GABBR2: variants seen among roughly 807,000 people sequenced by gnomAD.
GABBR2 encodes the protein gamma-aminobutyric acid type B receptor subunit 2.
GABBR2 carries 23 observed loss-of-function variants against 105.6 expected under a neutral mutation model. The observed-to-expected ratio is 0.22, with a 90% CI of 0.16 to 0.31. GABBR2 has a LOEUF of 0.31. GABBR2 is among the 10% of genes least tolerant of loss of function. The pLI, the probability that GABBR2 is intolerant of heterozygous loss-of-function variation, is 1.00. For synonymous variants in GABBR2, 478 were observed against 499.7 expected (o/e 0.96, Z 0.58); for missense variants, 734 against 1,245.5 (o/e 0.59, Z 6.18).
intron 9 of GABBR2, among the ~76,000 whole-genome samples, chr9:98,389,894 T>C (rs1020565022): frequency 6.6e-6 from 1 of 152,042 alleles, no homozygotes. Flanking sequence ...AGTAGGGGTA[T>C]GTGGAATCAG....
intron 1 of GABBR2, among the ~76,000 whole-genome samples, chr9:98,701,659 G>A (rs67229546): frequency 0.19 from 28,604 of 152,024 alleles, 2,975 homozygotes; most frequent in South Asian, 0.28. Context: ...CTACCCTCAA[G>A]AGCTGCCAGC....
chr9:98,555,117 C>A (rs1828562489), intron 2 of GABBR2, among the ~76,000 whole-genome samples: 1 of 152,158 alleles, frequency 6.6e-6, no homozygotes, highest in African/African-American at 2.4e-5. Flanking sequence ...TACAGTAGAC[C>A]ACAATTTCTA....
At chr9:98,296,679 T>TAA (rs1830388116) in intron 17 of GABBR2, among the ~76,000 whole-genome samples, 1 of 152,220 alleles carries the variant, frequency 6.6e-6, no homozygotes, top group African/African-American at 2.4e-5. Context: ...TCCAGTTCCT[T>TAA]TTATGAGAAC....
At chr9:98,301,966 A>C (rs1393634234) in intron 16 of GABBR2, among the ~76,000 whole-genome samples, 1 of 152,234 alleles carries the variant, frequency 6.6e-6, no homozygotes, top group East Asian at 1.9e-4. Flanking sequence ...GATCTAGCAA[A>C]TAAAAATCCA....
chr9:98,376,705 G>A (rs187275709), intron 11 of GABBR2, among the ~76,000 whole-genome samples: 138 of 152,260 alleles, frequency 9.1e-4, no homozygotes, highest in African/African-American at 3.2e-3. Flanking sequence ...AGAAGACCCC[G>A]TCTTGCTCAG....
intron 7 of GABBR2, among the ~76,000 whole-genome samples, chr9:98,453,120 G>A (rs913841677): frequency 1.1e-4 from 17 of 152,222 alleles, no homozygotes; most frequent in Non-Finnish European, 1.9e-4. Context: ...TCTGCTTCCC[G>A]GGTTCAAGCG....
Position 98,586,197 on chromosome 9 carries a change from G to A in GABBR2, c.322-8125C>T, listed in dbSNP as rs115263673. ...TCACAGCTATGTTGAAGACCTCTGC[G>A]CCCACACCTGCACATAGCCCTCCTT... On this transcript the variant is annotated intron_variant, in intron 1 of 18. Transcript: ENST00000259455. Among the ~76,000 whole-genome samples, 256 of 151,788 alleles carry A rather than the reference G, an allele frequency of 1.7e-3. 2 individuals carry two copies. The highest frequency in any genetic ancestry group is 5.9e-3 in the African/African-American group (246 of 41,384).
intron 1 of GABBR2, among the ~76,000 whole-genome samples, chr9:98,647,132 G>A (rs1402309695): frequency 6.6e-6 from 1 of 152,224 alleles, no homozygotes; most frequent in Non-Finnish European, 1.5e-5. Context: ...GTGAAGTGCT[G>A]GACTTCTGGA....
chr9:98,704,504 C>G (rs1830869539), intron 1 of GABBR2, among the ~76,000 whole-genome samples: 1 of 151,922 alleles, frequency 6.6e-6, no homozygotes, highest in African/African-American at 2.4e-5. Context: ...ATACAGCCAC[C>G]AAAAATCATC....
At chr9:98,681,583 T>TAA (rs199727369) in intron 1 of GABBR2, among the ~76,000 whole-genome samples, 2 of 151,284 alleles carry the variant, frequency 1.3e-5, no homozygotes, top group African/African-American at 4.9e-5. Flanking sequence ...TAAAGTATAA[T>TAA]AAAAAAAAAT....
rs71369558 is a variant in GABBR2, at chr9:98,290,269, GTTTTTT to G, written c.*309_*314del. On this transcript the variant is annotated 3_prime_UTR_variant, in exon 19 of 19. Coordinates refer to ENST00000259455, the MANE Select transcript of GABBR2 (RefSeq NM_005458.8). ...GCCTCTCTCCTTGTCTAGTTTTTTTGTTTTTTTTTTTTTTTTTTTTTTTTTGCAAGT... is the reference window on the plus strand; with the variant it reads ...GCCTCTCTCCTTGTCTAGTTTTTTTGTTTTTTTTTTTTTTTTTTTGCAAGT... 1.2e-4 allele frequency: 9 copies of G among 76,880 alleles called. No homozygotes were observed. Among genetic ancestry groups the G allele is most frequent in the Non-Finnish European group, 1.7e-4 (7 of 41,830 alleles). The allele number at this position is 76,880 out of a possible 1,614,324, so 4.8% of individuals were successfully genotyped here. A position where few individuals can be genotyped will look rare whatever the true frequency, so the allele number is the denominator to read the frequency against.
chr9:98,371,384 G>C, intron 12 of GABBR2, 80 bp downstream of exon 12: 1 of 778,094 alleles, frequency 1.3e-6, no homozygotes, highest in South Asian at 1.6e-5. Flanking sequence ...ATAGCTCAGT[G>C]CCTGGAATAT....
intron 1 of GABBR2, among the ~76,000 whole-genome samples, chr9:98,694,549 T>G (rs539920972): frequency 3.9e-5 from 6 of 152,288 alleles, no homozygotes; most frequent in African/African-American, 1.2e-4. Context: ...CCTCCTTTAT[T>G]AGGGGGTTAA....
chr9:98,353,308 C>T (rs939665205), intron 13 of GABBR2, among the ~76,000 whole-genome samples: 1 of 152,180 alleles, frequency 6.6e-6, no homozygotes, highest in African/African-American at 2.4e-5. Flanking sequence ...ACTTCTAATT[C>T]GAATTATCTT....
chr9:98,582,386 T>C (rs1355542942), intron 1 of GABBR2, among the ~76,000 whole-genome samples: 3 of 152,200 alleles, frequency 2.0e-5, no homozygotes, highest in African/African-American at 7.2e-5. Flanking sequence ...ATAACCAGAA[T>C]GAGCCTGGAA....
intron 13 of GABBR2, among the ~76,000 whole-genome samples, chr9:98,315,475 T>C (rs1043615765): frequency 1.3e-5 from 2 of 152,318 alleles, no homozygotes; most frequent in Non-Finnish European, 2.9e-5. Context: ...AGGCTGGCAA[T>C]GGGCATCTGG....
At chr9:98,680,466 C>T (rs533418255) in intron 1 of GABBR2, among the ~76,000 whole-genome samples, 2 of 152,150 alleles carry the variant, frequency 1.3e-5, no homozygotes, top group Admixed American at 6.5e-5. Context: ...CCACTATGCC[C>T]GGCTAATTTT....
intron 1 of GABBR2, among the ~76,000 whole-genome samples, chr9:98,602,619 G>A (rs1388034300): frequency 6.6e-6 from 1 of 152,078 alleles, no homozygotes; most frequent in Non-Finnish European, 1.5e-5. Context: ...TATCGCTCAG[G>A]AAGCACACCC....
chr9:98,447,471 C>T (rs1826153458), intron 7 of GABBR2, among the ~76,000 whole-genome samples: 1 of 151,794 alleles, frequency 6.6e-6, no homozygotes, highest in Non-Finnish European at 1.5e-5. Flanking sequence ...AAAACCAGGA[C>T]CCCAAAAGAT....
Sources: gnomAD v4.1 joint callset for allele counts (sites outside exome capture counted in the v4.1 genomes callset) on GRCh38, gnomAD v4.1.1 for gene constraint, MANE v1.5 for transcripts, NCBI Gene and HGNC (gene_info 2026-07-23, HGNC 2026-07-21) for gene names.